Variants in FSTL1 observed in about 807,000 individuals in gnomAD.
FSTL1 encodes follistatin-related protein 1.
FSTL1 carries 24 observed loss-of-function variants against 45.9 expected under a neutral mutation model. That is an observed-to-expected ratio of 0.52 (90% CI 0.38 to 0.74). The LOEUF is 0.74. Ranked by LOEUF, FSTL1 falls within the 30% of genes least tolerant of loss-of-function variation. FSTL1 has a pLI of 0.00. For missense variants in FSTL1, 340 were observed against 381.8 expected, an observed-to-expected ratio of 0.89 and a Z score of 0.91; for synonymous variants, 120 against 137.6, an observed-to-expected ratio of 0.87 and a Z score of 0.89.
intron 3 of FSTL1, among the ~76,000 whole-genome samples, chr3:120,415,513 A>G (rs566546082): frequency 6.6e-6 from 1 of 152,354 alleles, no homozygotes; most frequent in African/African-American, 2.4e-5. Flanking sequence ...AGGGGGAACC[A>G]TTATGTCTAC....
Position 120,439,022 on chromosome 3 carries a change from C to T in FSTL1, c.63+11662G>A, listed in dbSNP as rs575960055. 6.2e-4 allele frequency among the ~76,000 whole-genome samples: 94 copies of T among 152,268 alleles called. 1 individual carries two copies. Among genetic ancestry groups the T allele is most frequent in the African/African-American group, 2.1e-3 (89 of 41,558 alleles). ...TGGGGAAACGAGTGAGGACAGACAA[C>T]CAAAGTAAGAGCTACAGAACCATGC... On this transcript the variant is annotated intron_variant, in intron 2 of 10. Transcript: ENST00000295633.
At chr3:120,426,025 G>C (rs570487292) in intron 2 of FSTL1, among the ~76,000 whole-genome samples, 1 of 152,148 alleles carries the variant, frequency 6.6e-6, no homozygotes, top group Non-Finnish European at 1.5e-5. Flanking sequence ...ATTCACATGC[G>C]ATTCACAATT....
intron 2 of FSTL1, among the ~76,000 whole-genome samples, chr3:120,433,347 G>A (rs1937509237): frequency 6.6e-6 from 1 of 152,186 alleles, no homozygotes; most frequent in African/African-American, 2.4e-5. Flanking sequence ...ACGGGCAAGT[G>A]CTGTCAACCA....
intron 2 of FSTL1, among the ~76,000 whole-genome samples, chr3:120,437,298 G>C (rs765240277): frequency 2.6e-5 from 4 of 152,178 alleles, no homozygotes; most frequent in Non-Finnish European, 5.9e-5. Context: ...GAAAACCTAT[G>C]TCTTATTTTT....
Position 120,393,469 on chromosome 3 carries a change from C to G in FSTL1, c.*3483G>C, listed in dbSNP as rs1936630197. 1 of 152,122 alleles carries G rather than the reference C, an allele frequency of 6.6e-6. No homozygotes were observed. Among genetic ancestry groups the G allele is most frequent in the Non-Finnish European group, 1.5e-5 (1 of 68,030 alleles). 9.4% of individuals were successfully genotyped at this position (152,122 alleles called of 1,614,324 possible). A position where few individuals can be genotyped will look rare whatever the true frequency, so the allele number is the denominator to read the frequency against. ...TCAGCCCACTTGGAACTGTTTACCC[C>G]CATGGAATGTGTGTATCAAGGAAGT... is the stretch of plus-strand genomic sequence containing the variant. On this transcript the variant is annotated 3_prime_UTR_variant, in exon 11 of 11. Coordinates refer to ENST00000295633, the MANE Select transcript of FSTL1 (RefSeq NM_007085.5).
chr3:120,431,251 G>C (rs560404802), intron 2 of FSTL1, among the ~76,000 whole-genome samples: 1 of 152,096 alleles, frequency 6.6e-6, no homozygotes, highest in African/African-American at 2.4e-5. Flanking sequence ...GATTATAGTT[G>C]TGAGCCACCG....
chr3:120,420,638 T>G (rs1937260696), intron 2 of FSTL1, among the ~76,000 whole-genome samples: 1 of 152,262 alleles, frequency 6.6e-6, no homozygotes, highest in South Asian at 2.1e-4. Context: ...TGAGCAACGG[T>G]CAGCCATTGA....
rs1936627118 is a variant in FSTL1, at chr3:120,393,298, GAAACCTTAAACCTCATTGACTAT to G, written c.*3631_*3653del. 6.6e-6 allele frequency: 1 copy of G among 152,222 alleles called. No individual in the cohort carries two copies. The highest frequency in any genetic ancestry group is 6.5e-5 in the Admixed American group (1 of 15,278). The allele number at this position is 152,222 out of a possible 1,614,324, so 9.4% of individuals were successfully genotyped here. On this transcript the variant is annotated 3_prime_UTR_variant, in exon 11 of 11. Transcript: ENST00000295633. Reference sequence around the variant, plus strand: ...AAAACTTCCACATGACTGAACCGAAGAAACCTTAAACCTCATTGACTATAATATGCTCTTTTGGGAGGCAGAAT... The same window carrying G: ...AAAACTTCCACATGACTGAACCGAAGAATATGCTCTTTTGGGAGGCAGAAT...
chr3:120,444,476 T>C lies in FSTL1; in HGVS notation c.63+6208A>G, dbSNP rs886743026. ...AATGGTAATATGTATGCCACGTCTG[T>C]GCCATCTCTGAAAGGCCATTTACCA... On this transcript the variant is annotated intron_variant, in intron 2 of 10. Transcript: ENST00000295633. Among the ~76,000 whole-genome samples, 11 of 149,654 alleles carry C rather than the reference T, an allele frequency of 7.4e-5. 2 individuals are homozygous for C. Among genetic ancestry groups the C allele is most frequent in the African/African-American group, 2.8e-4 (11 of 39,014 alleles).
chr3:120,419,141 T>TGA (rs1937236544), intron 2 of FSTL1: 1 of 152,238 alleles, frequency 6.6e-6, no homozygotes, highest in Non-Finnish European at 1.5e-5. Context: ...AGCGCAGTGT[T>TGA]GGCTCCTGCA....
chr3:120,417,585 G>A (rs1447040065), intron 2 of FSTL1, among the ~76,000 whole-genome samples: 1 of 152,214 alleles, frequency 6.6e-6, no homozygotes, highest in Non-Finnish European at 1.5e-5. Flanking sequence ...GGATTGGAGA[G>A]CTTTTGTTTT....
At chr3:120,446,955 CTG>C (rs1029751168) in intron 2 of FSTL1, among the ~76,000 whole-genome samples, 5 of 152,310 alleles carry the variant, frequency 3.3e-5, no homozygotes, top group African/African-American at 9.6e-5. Flanking sequence ...AATCAGTTAA[CTG>C]TACATGTGAC....
intron 5 of FSTL1, 149 bp downstream of exon 5, chr3:120,410,803 G>A: frequency 1.3e-6 from 1 of 761,124 alleles, no homozygotes; most frequent in South Asian, 1.4e-5. Context: ...CAGCTTTTCT[G>A]AGCTGTGTTG....
intron 3 of FSTL1, among the ~76,000 whole-genome samples, chr3:120,412,819 T>TGTGC (rs1937089355): frequency 1.5e-5 from 1 of 68,810 alleles, no homozygotes; most frequent in African/African-American, 5.1e-5. Flanking sequence ...CACACACATG[T>TGTGC]GCGCGCGCGC....
chr3:120,440,791 T>C (rs943051126), intron 2 of FSTL1, among the ~76,000 whole-genome samples: 1 of 152,254 alleles, frequency 6.6e-6, no homozygotes. Flanking sequence ...TCGTGAATGT[T>C]TGGCAGCTCC....
intron 2 of FSTL1, among the ~76,000 whole-genome samples, chr3:120,418,634 G>A (rs1381982220): frequency 3.3e-5 from 5 of 152,148 alleles, no homozygotes; most frequent in Non-Finnish European, 4.4e-5. Context: ...AGCAAGTGTC[G>A]GGAGAATGTG....
intron 2 of FSTL1, chr3:120,441,456 T>C (rs571560377): frequency 5.9e-5 from 9 of 152,332 alleles, no homozygotes; most frequent in African/African-American, 2.2e-4. Context: ...ACATAGAAGT[T>C]TAAGGGCAAG....
intron 2 of FSTL1, among the ~76,000 whole-genome samples, chr3:120,446,550 C>T (rs1937746080): frequency 6.6e-6 from 1 of 151,042 alleles, no homozygotes; most frequent in East Asian, 1.9e-4. Flanking sequence ...TTTAGAACTG[C>T]AACAAGTAGC....
At chr3:120,443,016 T>C (rs1229530863) in intron 2 of FSTL1, among the ~76,000 whole-genome samples, 7 of 146,318 alleles carry the variant, frequency 4.8e-5, no homozygotes, top group African/African-American at 8.2e-5. Context: ...GTGGGTGCAG[T>C]GCACCAGCAT....
Sources: gnomAD v4.1 joint callset for allele counts (sites outside exome capture counted in the v4.1 genomes callset) on GRCh38, gnomAD v4.1.1 for gene constraint, MANE v1.5 for transcripts, NCBI Gene and HGNC (gene_info 2026-07-23, HGNC 2026-07-21) for gene names.